Variants in ZNF81 observed in about 807,000 individuals in gnomAD.
The protein encoded by ZNF81 is zinc finger protein 81.
ZNF81 carries 5 observed loss-of-function variants against 32.3 expected under a neutral mutation model. That is an observed-to-expected ratio of 0.15 (90% confidence interval 0.08 to 0.33). The LOEUF is 0.33. Among genes scored for constraint, ZNF81 ranks in the 10% least tolerant of loss-of-function variants. ZNF81 has a pLI of 1.00. For synonymous variants in ZNF81, 163 were observed against 166.8 expected, an observed-to-expected ratio of 0.98 and a Z score of 0.17; for missense variants, 379 against 479.8, an observed-to-expected ratio of 0.79 and a Z score of 1.96.
At chrX:47,908,382 A>T (rs1322410349) in intron 4 of ZNF81, among the ~76,000 whole-genome samples, 1 of 111,700 alleles carries the variant, frequency 9.0e-6, no homozygotes, top group Non-Finnish European at 1.9e-5. Flanking sequence ...TAAGACTGAC[A>T]ATTATCAAAT....
In ZNF81 at chrX:47,853,330, C is replaced by T. The variant is rs781989453; in HGVS notation, c.54+7009C>T. On this transcript the variant is annotated intron_variant, in intron 2 of 4. Transcript: ENST00000338637. ...CCGAGTAGCTGGGACTACAGACACA[C>T]GCCACCACGCCCAGCTAATTTTTGT... Among the ~76,000 whole-genome samples, 928 of 109,384 alleles carry T rather than the reference C, an allele frequency of 8.5e-3. 10 individuals are homozygous for T. The highest frequency in any genetic ancestry group is 0.03 in the African/African-American group (897 of 30,017). The allele number at this position is 109,384 out of a possible 115,157, so 95.0% of individuals were successfully genotyped here. A position where few individuals can be genotyped will look rare whatever the true frequency, so the allele number is the denominator to read the frequency against.
chrX:47,867,241 G>C (rs2058563597), intron 2 of ZNF81, among the ~76,000 whole-genome samples: 1 of 111,635 alleles, frequency 9.0e-6, no homozygotes, highest in Non-Finnish European at 1.9e-5. Context: ...TCCTGCACAG[G>C]TATGCTGGAA....
At chrX:47,848,373 A>G (rs1603167368) in intron 2 of ZNF81, among the ~76,000 whole-genome samples, 1 of 111,321 alleles carries the variant, frequency 9.0e-6, no homozygotes, top group Non-Finnish European at 1.9e-5. Flanking sequence ...TTCCATTTCT[A>G]TCTCTTTTGT....
At chrX:47,850,574 A>T (rs2058489906) in intron 2 of ZNF81, among the ~76,000 whole-genome samples, 1 of 104,123 alleles carries the variant, frequency 9.6e-6, no homozygotes, top group South Asian at 4.6e-4. Context: ...CTGAGGCAGA[A>T]TAGTGGCTTC....
chrX:47,850,331 A>C (rs2058488517), intron 2 of ZNF81, among the ~76,000 whole-genome samples: 1 of 96,996 alleles, frequency 1.0e-5, no homozygotes, highest in Admixed American at 1.2e-4. Context: ...TGGGCAACAT[A>C]ATGAGACCCA....
intron 3 of ZNF81, 42 bp downstream of exon 3, chrX:47,888,167 G>A (rs1556886081): frequency 8.4e-7 from 1 of 1,188,364 alleles, no homozygotes; most frequent in Admixed American, 2.4e-5. Context: ...AGCCTGTTAT[G>A]GGTTAAATTG....
At chrX:47,841,024 T>G (rs2058447200) in intron 1 of ZNF81, 1 of 853,691 alleles carries the variant, frequency 1.2e-6, no homozygotes, top group South Asian at 2.0e-5. Flanking sequence ...TGTGCCCGTC[T>G]CCTTGAGGAA....
intron 4 of ZNF81, among the ~76,000 whole-genome samples, chrX:47,904,132 A>G (rs2058710582): frequency 8.9e-6 from 1 of 112,222 alleles, no homozygotes; most frequent in Admixed American, 9.4e-5. Context: ...AGGCAATACC[A>G]TTCAGGACAT....
intron 4 of ZNF81, among the ~76,000 whole-genome samples, chrX:47,899,654 T>C (rs1436302788): frequency 9.0e-6 from 1 of 111,625 alleles, no homozygotes; most frequent in East Asian, 2.8e-4. Flanking sequence ...TGAAATACTT[T>C]GTGTGAGATT....
At chrX:47,900,674 A>T (rs1556887849) in intron 4 of ZNF81, among the ~76,000 whole-genome samples, 1 of 111,294 alleles carries the variant, frequency 9.0e-6, no homozygotes, top group East Asian at 2.8e-4. Flanking sequence ...ATTGTTCTGA[A>T]GAATGTCAGT....
At chrX:47,850,980 C>T (rs1298325245) in intron 2 of ZNF81, among the ~76,000 whole-genome samples, 1 of 107,715 alleles carries the variant, frequency 9.3e-6, no homozygotes, top group African/African-American at 3.4e-5. Flanking sequence ...TATTAGCATA[C>T]AAAATTTCCA....
rs782306030 is a variant in ZNF81 at position 47,924,724 on chromosome X, C to G, written c.*8092C>G. On this transcript the variant is annotated 3_prime_UTR_variant, in exon 5 of 5. Transcript: ENST00000338637. ...CAATTTGCTCAGATTTATTTACATT[C>G]CAGGATAGTAAAGATAGAGAATGTC... is the stretch of plus-strand genomic sequence containing the variant. Among the ~76,000 whole-genome samples the G allele has an allele frequency of 9.0e-6, 1 of 111,379 alleles. No homozygotes were observed. Among genetic ancestry groups the G allele is most frequent in the African/African-American group, 3.3e-5 (1 of 30,733 alleles).
chrX:47,918,872 GAT>G lies in ZNF81; in HGVS notation c.*2243_*2244del, dbSNP rs1200327525. The G allele has an allele frequency of 7.1e-6, 1 of 140,942 alleles. No individual in the cohort carries two copies. The highest frequency in any genetic ancestry group is 1.4e-5 in the Non-Finnish European group (1 of 70,655). 11.6% of individuals were successfully genotyped at this position (140,942 alleles called of 1,213,427 possible). ...TCAGAATCGTTATGGAACAGTGACT[GAT>G]ATGTGCCTCATGGTCCTCCTCTTTT... is the stretch of plus-strand genomic sequence containing the variant. On this transcript the variant is annotated 3_prime_UTR_variant, in exon 5 of 5. Coordinates refer to ENST00000338637, the MANE Select transcript of ZNF81 (RefSeq NM_007137.5).
chrX:47,913,711 C>T (rs1209638524), intron 4 of ZNF81, among the ~76,000 whole-genome samples: 1 of 112,013 alleles, frequency 8.9e-6, no homozygotes, highest in Non-Finnish European at 1.9e-5. Flanking sequence ...TTATCTTTTA[C>T]AAGCAGTGCT....
chrX:47,872,972 G>A (rs1015518751), intron 2 of ZNF81, among the ~76,000 whole-genome samples: 2 of 111,121 alleles, frequency 1.8e-5, no homozygotes, highest in African/African-American at 3.3e-5. Flanking sequence ...TTTCCAGCAC[G>A]GTGTGAGATT....
chrX:47,914,748 G>C, intron 4 of ZNF81, among the ~76,000 whole-genome samples, 176 bp from the exon 5 acceptor site: 1 of 111,744 alleles, frequency 8.9e-6, no homozygotes, highest in Non-Finnish European at 1.9e-5. Context: ...CTGGAATATT[G>C]TAAGTGTCGT....
intron 2 of ZNF81, among the ~76,000 whole-genome samples, chrX:47,884,005 T>C (rs1272389585): frequency 8.2e-5 from 9 of 110,303 alleles, no homozygotes; most frequent in African/African-American, 3.0e-4. Context: ...CCCAGCACTT[T>C]GGGAGGCCGA....
At chrX:47,844,653 G>C (rs1556880208) in intron 1 of ZNF81, among the ~76,000 whole-genome samples, 1 of 112,135 alleles carries the variant, frequency 8.9e-6, no homozygotes. Flanking sequence ...ACAAGTTTTG[G>C]AATGGACATG....
intron 2 of ZNF81, among the ~76,000 whole-genome samples, chrX:47,884,231 C>T (rs953302901): frequency 1.5e-4 from 11 of 71,442 alleles, no homozygotes; most frequent in Non-Finnish European, 2.4e-5. Context: ...GGCGACAGAG[C>T]GAGACGTCAT....
Sources: gnomAD v4.1 joint callset for allele counts (sites outside exome capture counted in the v4.1 genomes callset) on GRCh38, gnomAD v4.1.1 for gene constraint, MANE v1.5 for transcripts, NCBI Gene and HGNC (gene_info 2026-07-23, HGNC 2026-07-21) for gene names.